Variants in GALNT13 observed in about 807,000 individuals in gnomAD.
GALNT13 encodes polypeptide N-acetylgalactosaminyltransferase 13.
In GALNT13, 28 loss-of-function variants were observed where a neutral mutation model predicts 64.2. The ratio of observed to expected loss-of-function variants is 0.44; its 90% CI spans 0.32 to 0.60. GALNT13 has a LOEUF of 0.60. GALNT13 is among the 20% of genes least tolerant of loss of function. The pLI is 0.05. For synonymous variants in GALNT13, 214 were observed against 224.6 expected (o/e 0.95, Z 0.42); for missense variants, 577 against 669.8 (o/e 0.86, Z 1.53).
chr2:154,068,448 G>A (rs1268885296), intron 3 of GALNT13, among the ~76,000 whole-genome samples: 1 of 151,878 alleles, frequency 6.6e-6, no homozygotes, highest in African/African-American at 2.4e-5. Flanking sequence ...AACAGCCAGG[G>A]AGTGGAAGCA....
intron 11 of GALNT13, among the ~76,000 whole-genome samples, chr2:154,425,814 A>G (rs1700444380): frequency 6.6e-6 from 1 of 152,234 alleles, no homozygotes; most frequent in South Asian, 2.1e-4. Flanking sequence ...TTAAACACAC[A>G]GAAAAGTATG....
intron 4 of GALNT13, among the ~76,000 whole-genome samples, chr2:154,238,308 G>A (rs1689303372): frequency 6.6e-6 from 1 of 151,938 alleles, no homozygotes. Context: ...CAAATCTACA[G>A]GAAAATGATG....
chr2:153,329,607 T>C, the GALNT13 span, among the ~76,000 whole-genome samples: 122,737 of 152,040 alleles, frequency 0.81, 50,453 homozygotes, highest in African/African-American at 0.86. Context: ...GTCTTTTGAC[T>C]GTTTTTAATT....
chr2:154,439,399 T>G (rs1701166777), intron 12 of GALNT13, among the ~76,000 whole-genome samples: 1 of 152,196 alleles, frequency 6.6e-6, no homozygotes, highest in Non-Finnish European at 1.5e-5. Flanking sequence ...AGCTTACTCT[T>G]GAAAACAGCT....
intron 3 of GALNT13, among the ~76,000 whole-genome samples, chr2:154,026,055 G>A (rs1697937658): frequency 6.6e-6 from 1 of 152,150 alleles, no homozygotes; most frequent in Non-Finnish European, 1.5e-5. Context: ...GGGGAGGGGA[G>A]TAAGAACATA....
chr2:153,452,632 A>G, the GALNT13 span, among the ~76,000 whole-genome samples: 1 of 152,040 alleles, frequency 6.6e-6, no homozygotes, highest in African/African-American at 2.4e-5. Flanking sequence ...AGATGACACA[A>G]ACAAATGGAA....
the GALNT13 span, among the ~76,000 whole-genome samples, chr2:153,186,286 T>A: frequency 6.6e-6 from 1 of 151,968 alleles, no homozygotes; most frequent in Admixed American, 6.6e-5. Flanking sequence ...CAACCCCTGC[T>A]TTTTTTTCCC....
the GALNT13 span, among the ~76,000 whole-genome samples, chr2:153,404,021 G>A: frequency 2.0e-5 from 3 of 152,166 alleles, no homozygotes; most frequent in Non-Finnish European, 4.4e-5. Context: ...TCAGAAATCT[G>A]TGTTTCTACC....
At chr2:153,847,125 T>C in the GALNT13 span, among the ~76,000 whole-genome samples, 2 of 151,996 alleles carry the variant, frequency 1.3e-5, no homozygotes, top group Non-Finnish European at 2.9e-5. Context: ...ATTTCTAGGA[T>C]AAACAACATT....
the GALNT13 span, among the ~76,000 whole-genome samples, chr2:153,352,240 C>T: frequency 6.6e-6 from 1 of 152,038 alleles, no homozygotes; most frequent in Non-Finnish European, 1.5e-5. Context: ...TGCTTATTTG[C>T]CATCTGTATA....
chr2:153,579,778 A>T, the GALNT13 span, among the ~76,000 whole-genome samples: 2 of 152,006 alleles, frequency 1.3e-5, no homozygotes, highest in Non-Finnish European at 2.9e-5. Context: ...TTGGAGCATG[A>T]ACTCTATTGT....
intron 2 of GALNT13, among the ~76,000 whole-genome samples, chr2:153,931,613 G>GTTTT (rs1690525750): frequency 6.6e-6 from 1 of 152,066 alleles, no homozygotes; most frequent in South Asian, 2.1e-4. Context: ...TGATCATGTG[G>GTTTT]TTTTTATTTT....
the GALNT13 span, among the ~76,000 whole-genome samples, chr2:153,210,580 T>C: frequency 1.2e-3 from 188 of 152,338 alleles, no homozygotes; most frequent in African/African-American, 4.1e-3. Flanking sequence ...TTTTTGTACC[T>C]ACATTCGTCA....
the GALNT13 span, among the ~76,000 whole-genome samples, chr2:153,248,815 CG>C: frequency 0.024 from 3,026 of 127,330 alleles, 185 homozygotes; most frequent in African/African-American, 0.078. Flanking sequence ...GACTCTGTCT[CG>C]AAAAAAAAAA....
At chr2:154,213,440 G>A (rs542293773) in intron 4 of GALNT13, among the ~76,000 whole-genome samples, 2 of 152,222 alleles carry the variant, frequency 1.3e-5, no homozygotes, top group South Asian at 4.1e-4. Context: ...AGTAAATGTT[G>A]CAGACAGACT....
the GALNT13 span, among the ~76,000 whole-genome samples, chr2:153,491,296 A>G: frequency 6.6e-6 from 1 of 152,108 alleles, no homozygotes; most frequent in Non-Finnish European, 1.5e-5. Context: ...GAAGCTTCAC[A>G]AAGGAAAAGT....
chr2:153,295,093 T>C, the GALNT13 span, among the ~76,000 whole-genome samples: 1 of 152,116 alleles, frequency 6.6e-6, no homozygotes, highest in Non-Finnish European at 1.5e-5. Flanking sequence ...CTCCTGGTGG[T>C]GTTCCAGGAC....
At position 154,227,846 on chromosome 2, in the gene GALNT13, G is replaced by A. The variant is rs534722501; in HGVS notation, c.312-14184G>A. Among the ~76,000 whole-genome samples the A allele has an allele frequency of 3.3e-5, 5 of 150,934 alleles. No homozygotes were observed. In the South Asian group the frequency reaches 6.4e-4, roughly 19 times the overall value. On this transcript the variant is annotated intron_variant, in intron 4 of 12. Coordinates refer to ENST00000392825, the MANE Select transcript of GALNT13 (RefSeq NM_052917.4). ...GTTTACCCTGAGATAACTTTGCCAC[G>A]AAATATCTCACTTTTATTATTATAT...
the GALNT13 span, among the ~76,000 whole-genome samples, chr2:153,808,531 A>G: frequency 1.6e-4 from 24 of 152,002 alleles, no homozygotes; most frequent in Non-Finnish European, 2.9e-4. Flanking sequence ...TATCCAGCTC[A>G]TTCCCTTTCT....
Sources: gnomAD v4.1 joint callset for allele counts (sites outside exome capture counted in the v4.1 genomes callset) on GRCh38, gnomAD v4.1.1 for gene constraint, MANE v1.5 for transcripts, NCBI Gene and HGNC (gene_info 2026-07-23, HGNC 2026-07-21) for gene names.